SNX2: variants seen among roughly 807,000 people sequenced by gnomAD.
The protein encoded by SNX2 is sorting nexin-2.
Under a neutral mutation model 69.9 loss-of-function variants are expected in SNX2, and 25 were observed. The ratio of observed to expected loss-of-function variants is 0.36; its 90% confidence interval spans 0.26 to 0.50. SNX2 has a LOEUF of 0.50. SNX2 is among the 20% of genes least tolerant of loss of function. The pLI is 0.97. For missense variants in SNX2, 551 were observed against 613.3 expected (o/e 0.90, Z 1.07); for synonymous variants, 229 against 200.4 (o/e 1.14, Z -1.20).
At chr5:122,804,852 T>G (rs1195935738) in intron 6 of SNX2, among the ~76,000 whole-genome samples, 1 of 152,226 alleles carries the variant, frequency 6.6e-6, no homozygotes, top group African/African-American at 2.4e-5. Flanking sequence ...TTTAAAGTAA[T>G]TATCTTCTCT....
chr5:122,807,367 G>A (rs1753682295), intron 6 of SNX2, among the ~76,000 whole-genome samples: 1 of 152,080 alleles, frequency 6.6e-6, no homozygotes, highest in Non-Finnish European at 1.5e-5. Context: ...ACCCCAAAAT[G>A]GAATCTGGGA....
chr5:122,789,695 G>A (rs1753184154), intron 1 of SNX2, among the ~76,000 whole-genome samples: 1 of 152,138 alleles, frequency 6.6e-6, no homozygotes, highest in African/African-American at 2.4e-5. Flanking sequence ...TGATTCATCT[G>A]GCCATAAAGA....
At position 122,833,160 on chromosome 5, in the gene SNX2, T is replaced by G. The variant is rs559582186; in HGVS notation, c.*3512T>G. 1 of 152,176 alleles carries G rather than the reference T, an allele frequency of 6.6e-6. No homozygotes were observed. Among genetic ancestry groups the G allele is most frequent in the Non-Finnish European group, 1.5e-5 (1 of 68,034 alleles). The allele number at this position is 152,176 out of a possible 1,614,324, so 9.4% of individuals were successfully genotyped here. The stretch of plus-strand genomic sequence containing the variant: ...ATGTAAAATCAGAATCAAATAATTA[T>G]CATTCCTAACCCTCACAGTGAAGGA... On this transcript the variant is annotated 3_prime_UTR_variant, in exon 15 of 15. Coordinates refer to ENST00000379516, the MANE Select transcript of SNX2 (RefSeq NM_003100.4).
chr5:122,810,280 C>G (rs1753739917), intron 7 of SNX2, among the ~76,000 whole-genome samples: 1 of 150,088 alleles, frequency 6.7e-6, no homozygotes, highest in Admixed American at 6.7e-5. Flanking sequence ...GCCGCAGGGT[C>G]CTCTGCCTAG....
intron 11 of SNX2, among the ~76,000 whole-genome samples, chr5:122,822,131 G>T (rs192078322): frequency 6.6e-6 from 1 of 151,978 alleles, no homozygotes; most frequent in Non-Finnish European, 1.5e-5. Context: ...GTCTTGCTTT[G>T]TCGCCAGGCT....
Position 122,815,806 on chromosome 5 carries a change from T to G in SNX2, c.723-90T>G, listed in dbSNP as rs560414387. ...TAATACGAGGTAGTGAGGACACTTTTTTTTCCTAGTATTTCTATTTTTTTA... is the reference window on the plus strand; with the variant it reads ...TAATACGAGGTAGTGAGGACACTTTGTTTTCCTAGTATTTCTATTTTTTTA... On this transcript the variant is annotated intron_variant, in intron 7 of 14. Coordinates refer to ENST00000379516, the MANE Select transcript of SNX2 (RefSeq NM_003100.4). 7.1e-4 allele frequency: 447 copies of G among 629,896 alleles called. 3 individuals carry two copies. In the African/African-American group the frequency reaches 7.4e-3, roughly 10 times the overall value. The allele number at this position is 629,896 out of a possible 1,614,324, so 39.0% of individuals were successfully genotyped here.
chr5:122,816,644 A>C (rs1753905839), intron 8 of SNX2, among the ~76,000 whole-genome samples: 1 of 152,190 alleles, frequency 6.6e-6, no homozygotes, highest in African/African-American at 2.4e-5. Flanking sequence ...ATATTTTGAC[A>C]AACAGGGTGT....
At chr5:122,823,711 T>G (rs1754079016) in intron 11 of SNX2, among the ~76,000 whole-genome samples, 1 of 66,974 alleles carries the variant, frequency 1.5e-5, no homozygotes, top group Non-Finnish European at 2.5e-5. Flanking sequence ...TGGTCGTGTG[T>G]ATGTGGGTGT....
At chr5:122,778,671 A>AT (rs1378956666) in intron 1 of SNX2, among the ~76,000 whole-genome samples, 1 of 151,882 alleles carries the variant, frequency 6.6e-6, no homozygotes, top group Non-Finnish European at 1.5e-5. Flanking sequence ...ACCATGCCCT[A>AT]TTTTTTGACT....
At chr5:122,808,476 C>A in intron 7 of SNX2, 121 bp downstream of exon 7, 1 of 603,630 alleles carries the variant, frequency 1.7e-6, no homozygotes, top group Non-Finnish European at 2.8e-6. Flanking sequence ...CACTTGGTGG[C>A]TTTTAAGACT....
At chr5:122,787,903 C>G (rs1397854618) in intron 1 of SNX2, among the ~76,000 whole-genome samples, 1 of 151,976 alleles carries the variant, frequency 6.6e-6, no homozygotes, top group African/African-American at 2.4e-5. Flanking sequence ...GTATTATAAT[C>G]TTTACTTCAA....
intron 11 of SNX2, among the ~76,000 whole-genome samples, chr5:122,824,272 T>G (rs1754102146): frequency 6.6e-6 from 1 of 150,646 alleles, no homozygotes; most frequent in Admixed American, 6.6e-5. Context: ...CATCACTTAG[T>G]GTTAGTGTTA....
chr5:122,797,877 T>C (rs781366912), intron 2 of SNX2, among the ~76,000 whole-genome samples: 53 of 151,944 alleles, frequency 3.5e-4, no homozygotes, highest in Non-Finnish European at 7.2e-4. Context: ...TAAGACAGAT[T>C]ATATATATAT....
chr5:122,820,036 A>G (rs760095927), intron 11 of SNX2, among the ~76,000 whole-genome samples: 2 of 152,200 alleles, frequency 1.3e-5, no homozygotes, highest in African/African-American at 2.4e-5. Context: ...AGTATTTAGA[A>G]ATGTTAATAT....
intron 7 of SNX2, among the ~76,000 whole-genome samples, chr5:122,814,218 A>G (rs911703465): frequency 4.6e-5 from 7 of 152,230 alleles, no homozygotes; most frequent in Admixed American, 3.9e-4. Flanking sequence ...CAGTCTAAAC[A>G]ACGAAATAAC....
chr5:122,799,406 G>A (rs1354048100), intron 2 of SNX2, among the ~76,000 whole-genome samples: 1 of 152,100 alleles, frequency 6.6e-6, no homozygotes, highest in Non-Finnish European at 1.5e-5. Flanking sequence ...AAACATGAAT[G>A]TGGAATCATC....
At chr5:122,808,150 A>T in intron 6 of SNX2, 127 bp from the exon 7 acceptor site, 2 of 549,376 alleles carry the variant, frequency 3.6e-6, no homozygotes, top group South Asian at 3.2e-5. Flanking sequence ...TTTAGATAAG[A>T]TACCAGTTAC....
intron 3 of SNX2, 66 bp downstream of exon 3, chr5:122,799,921 C>T (rs1245735945): frequency 8.2e-7 from 1 of 1,222,928 alleles, no homozygotes; most frequent in Non-Finnish European, 1.2e-6. Flanking sequence ...CAACATCACT[C>T]TGCTGTTAGT....
chr5:122,809,388 A>G (rs1753720933), intron 7 of SNX2, among the ~76,000 whole-genome samples: 2 of 152,168 alleles, frequency 1.3e-5, no homozygotes, highest in Admixed American at 1.3e-4. Flanking sequence ...GACTCTACAC[A>G]TTTCCTATAG....
Sources: gnomAD v4.1 joint callset for allele counts (sites outside exome capture counted in the v4.1 genomes callset) on GRCh38, gnomAD v4.1.1 for gene constraint, MANE v1.5 for transcripts, NCBI Gene and HGNC (gene_info 2026-07-23, HGNC 2026-07-21) for gene names.